Variants in STPG2 observed in about 807,000 individuals in gnomAD.
The protein encoded by STPG2 is sperm tail PG-rich repeat containing 2.
A neutral mutation model predicts 54.2 loss-of-function variants in STPG2; 56 were observed. That is an observed-to-expected ratio of 1.03 (90% CI 0.83 to 1.29). STPG2 has a LOEUF of 1.29. Among genes scored for constraint, STPG2 ranks in the 50% most tolerant of loss-of-function variants. The pLI, the probability that STPG2 is intolerant of heterozygous loss-of-function variation, is 0.00. For synonymous variants in STPG2, 200 were observed against 181.8 expected (o/e 1.10, Z -0.81); for missense variants, 596 against 544.9 (o/e 1.09, Z -0.93).
intron 9 of STPG2, among the ~76,000 whole-genome samples, chr4:97,788,135 A>G (rs1188762173): frequency 3.3e-5 from 5 of 151,978 alleles, no homozygotes; most frequent in African/African-American, 1.2e-4. Flanking sequence ...ATTGTTGACT[A>G]TGATCACCTC....
At chr4:98,071,313 G>C (rs1737995195) in intron 5 of STPG2, among the ~76,000 whole-genome samples, 1 of 152,076 alleles carries the variant, frequency 6.6e-6, no homozygotes, top group African/African-American at 2.4e-5. Flanking sequence ...ACAAGCAATG[G>C]GGGAAATGAT....
chr4:97,707,590 A>G (rs557111927), intron 10 of STPG2, among the ~76,000 whole-genome samples: 1 of 152,236 alleles, frequency 6.6e-6, no homozygotes, highest in Admixed American at 6.5e-5. Context: ...AGATTTTAGA[A>G]CAGAGAAGGT....
At chr4:97,962,517 C>T (rs973809413) in intron 7 of STPG2, among the ~76,000 whole-genome samples, 4 of 152,090 alleles carry the variant, frequency 2.6e-5, no homozygotes, top group Non-Finnish European at 4.4e-5. Flanking sequence ...AAAAATCAGA[C>T]ATGTTTAGGG....
At chr4:97,971,848 C>A (rs1210360015) in intron 7 of STPG2, among the ~76,000 whole-genome samples, 1 of 146,474 alleles carries the variant, frequency 6.8e-6, no homozygotes, top group South Asian at 2.2e-4. Context: ...AAAATAGAAT[C>A]CCGTATGTCA....
At chr4:98,093,441 C>G (rs749523413) in intron 5 of STPG2, among the ~76,000 whole-genome samples, 14 of 152,048 alleles carry the variant, frequency 9.2e-5, no homozygotes, top group Non-Finnish European at 1.5e-5. Flanking sequence ...CATTTTGTTG[C>G]AATATCAGAA....
intron 8 of STPG2, among the ~76,000 whole-genome samples, chr4:97,919,132 A>T (rs1731998484): frequency 6.6e-6 from 1 of 152,166 alleles, no homozygotes; most frequent in African/African-American, 2.4e-5. Context: ...AACATGAATT[A>T]AAAAACATCT....
intron 4 of STPG2, among the ~76,000 whole-genome samples, chr4:97,497,492 A>T (rs186358420): frequency 4.6e-5 from 7 of 152,000 alleles, no homozygotes; most frequent in Admixed American, 4.6e-4. Context: ...CTACCAACGG[A>T]AATCTCCCAA....
At chr4:97,739,788 G>A (rs1725158952) in intron 9 of STPG2, among the ~76,000 whole-genome samples, 2 of 150,986 alleles carry the variant, frequency 1.3e-5, no homozygotes, top group African/African-American at 2.4e-5. Context: ...CAGAGGTACA[G>A]GGAGGAATTG....
intron 4 of STPG2, among the ~76,000 whole-genome samples, chr4:97,527,324 T>C (rs1731303292): frequency 6.6e-6 from 1 of 152,194 alleles, no homozygotes; most frequent in South Asian, 2.1e-4. Flanking sequence ...GCAAAGGACA[T>C]GAACTCATCC....
intron 8 of STPG2, among the ~76,000 whole-genome samples, chr4:97,888,508 C>A (rs1730661453): frequency 6.6e-6 from 1 of 152,144 alleles, no homozygotes; most frequent in South Asian, 2.1e-4. Flanking sequence ...GCCTGTAGCA[C>A]CTTTCTTTTG....
intron 4 of STPG2, among the ~76,000 whole-genome samples, chr4:97,467,606 C>T (rs1729818886): frequency 6.6e-6 from 1 of 151,804 alleles, no homozygotes; most frequent in Non-Finnish European, 1.5e-5. Flanking sequence ...TAAAAAGAAA[C>T]CAGTCTGTTA....
chr4:98,063,840 GAC>G (rs1438414943), intron 5 of STPG2, among the ~76,000 whole-genome samples: 2 of 151,986 alleles, frequency 1.3e-5, no homozygotes, highest in African/African-American at 4.8e-5. Context: ...AGGAGTTTGA[GAC>G]CAGCCTGGGC....
At chr4:98,119,313 A>G (rs1417112626) in intron 3 of STPG2, among the ~76,000 whole-genome samples, 2 of 152,114 alleles carry the variant, frequency 1.3e-5, no homozygotes, top group Admixed American at 6.6e-5. Flanking sequence ...AAACCTTCAG[A>G]TATTCATAAT....
Position 97,515,825 on chromosome 4 carries a change from TAGAG to T in STPG2, c.462+196870_462+196873del, listed in dbSNP as rs766496600. On this transcript the variant is annotated intron_variant, in intron 4 of 4. Transcript: ENST00000522676. ...GTGTGTATGTGTGTGTGTATATATATAGAGAGAGAGGTATGTATATATGTACACA... is the reference window on the plus strand; with the variant it reads ...GTGTGTATGTGTGTGTGTATATATATAGAGAGGTATGTATATATGTACACA... 9.2e-4 allele frequency among the ~76,000 whole-genome samples: 140 copies of T among 152,128 alleles called. 1 individual carries two copies. The highest frequency in any genetic ancestry group is 2.6e-3 in the African/African-American group (107 of 41,530).
chr4:97,863,746 C>A (rs2149144308), intron 8 of STPG2, among the ~76,000 whole-genome samples: 1 of 152,260 alleles, frequency 6.6e-6, no homozygotes, highest in Admixed American at 6.5e-5. Flanking sequence ...AAAGCTTATC[C>A]ACCATGGTTA....
chr4:97,943,472 G>T (rs895209547), intron 8 of STPG2, among the ~76,000 whole-genome samples: 2 of 151,972 alleles, frequency 1.3e-5, no homozygotes, highest in Middle Eastern at 3.2e-3. Context: ...AAAATTTATA[G>T]CCATACCATT....
At chr4:97,849,690 T>A (rs1021864515) in intron 8 of STPG2, among the ~76,000 whole-genome samples, 4 of 151,950 alleles carry the variant, frequency 2.6e-5, no homozygotes, top group African/African-American at 9.7e-5. Context: ...TCACTGGCCA[T>A]CAGAGAAATG....
intron 10 of STPG2, among the ~76,000 whole-genome samples, chr4:97,688,497 G>C (rs981948175): frequency 1.2e-4 from 18 of 152,072 alleles, no homozygotes; most frequent in Admixed American, 4.6e-4. Flanking sequence ...CTCCCAAGTA[G>C]CTGGGACTAC....
At chr4:97,790,821 G>A (rs1726967419) in intron 9 of STPG2, among the ~76,000 whole-genome samples, 1 of 152,062 alleles carries the variant, frequency 6.6e-6, no homozygotes. Context: ...AAGCACAGCT[G>A]GTGAGCAACT....
Sources: allele counts gnomAD v4.1 joint callset (sites outside exome capture counted in the v4.1 genomes callset), GRCh38; gene constraint gnomAD v4.1.1; transcripts MANE v1.5; gene names NCBI Gene and HGNC (gene_info 2026-07-23, HGNC 2026-07-21).